Variants in RCC1L observed in about 807,000 individuals in gnomAD.
The protein encoded by RCC1L is RCC1 like.
In RCC1L, 46 loss-of-function variants were observed where a neutral mutation model predicts 58.6. The observed-to-expected ratio is 0.79, with a 90% CI of 0.62 to 1.00. RCC1L has a LOEUF of 1.00. RCC1L is among the 50% of genes least tolerant of loss of function. The pLI is 0.00. For missense variants in RCC1L, 636 were observed against 623.6 expected (o/e 1.02, Z -0.21); for synonymous variants, 281 against 262.9 (o/e 1.07, Z -0.67).
rs935629305 is a variant in RCC1L at position 75,052,605 on chromosome 7, G to T, written c.1317+106C>A. The T allele has an allele frequency of 6.6e-6, 7 of 1,054,558 alleles. No individual in the cohort carries two copies. The African/African-American group carries it at 9.4e-5, about 14-fold the overall frequency. 65.3% of individuals were successfully genotyped at this position (1,054,558 alleles called of 1,614,324 possible). A position where few individuals can be genotyped will look rare whatever the true frequency, so the allele number is the denominator to read the frequency against. ...AGCCAGGACCCGGAAGGGGGAGCAG[G>T]TCCCATGGCCCTCGTCCTGGCCCAT... On this transcript the variant is annotated intron_variant, in intron 10 of 10. Coordinates refer to ENST00000610322, the MANE Select transcript of RCC1L (RefSeq NM_030798.5).
chr7:75,042,408 A>C lies in RCC1L; in HGVS notation c.*624T>G, dbSNP rs1253474224. 1 of 985,982 alleles carries C rather than the reference A, an allele frequency of 1.0e-6. No individual in the cohort carries two copies. The highest frequency in any genetic ancestry group is 1.2e-6 in the Non-Finnish European group (1 of 830,444). The allele number at this position is 985,982 out of a possible 1,614,324, so 61.1% of individuals were successfully genotyped here. A position where few individuals can be genotyped will look rare whatever the true frequency, so the allele number is the denominator to read the frequency against. On this transcript the variant is annotated 3_prime_UTR_variant, in exon 11 of 11. Transcript: ENST00000610322. ...TCCTGAGGGGCTTCTTAACTTTTCC[A>C]AGCCAGGCAGTGAGCGTGGTGGGAG... is the stretch of plus-strand genomic sequence containing the variant.
At chr7:75,048,182 G>A (rs1475440972) in intron 10 of RCC1L, among the ~76,000 whole-genome samples, 6 of 149,206 alleles carry the variant, frequency 4.0e-5, no homozygotes, top group African/African-American at 1.5e-4. Context: ...CAAGAGAATC[G>A]CTTGAACCCG....
chr7:75,049,539 C>T (rs1216983485), intron 10 of RCC1L, among the ~76,000 whole-genome samples: 1 of 152,066 alleles, frequency 6.6e-6, no homozygotes, highest in East Asian at 1.9e-4. Flanking sequence ...ACATGCCTGT[C>T]ATCCCATCCC....
At chr7:75,063,455 A>T in intron 4 of RCC1L, 112 bp from the exon 5 acceptor site, 1 of 1,122,128 alleles carries the variant, frequency 8.9e-7, no homozygotes, top group Non-Finnish European at 1.4e-6. Context: ...TCACACAGTA[A>T]CTGTTGGGGT....
intron 2 of RCC1L, among the ~76,000 whole-genome samples, chr7:75,070,094 T>C (rs1453150930): frequency 6.6e-6 from 1 of 152,198 alleles, no homozygotes; most frequent in Non-Finnish European, 1.5e-5. Context: ...TCATCTCTTT[T>C]AGGCCACAAA....
chr7:75,073,365 G>A, intron 1 of RCC1L, 49 bp downstream of exon 1: 2 of 870,626 alleles, frequency 2.3e-6, no homozygotes, highest in Non-Finnish European at 3.2e-6. Context: ...AGGGAGGCCG[G>A]GAGCGCGGAA....
chr7:75,036,584 TTCTTCA>T (rs1228243407), intron 10 of RCC1L, among the ~76,000 whole-genome samples: 12 of 152,076 alleles, frequency 7.9e-5, no homozygotes, highest in African/African-American at 2.4e-5. Flanking sequence ...ATCAATCATC[TTCTTCA>T]TCTTCAATAT....
intron 10 of RCC1L, among the ~76,000 whole-genome samples, chr7:75,051,271 C>T (rs1466859859): frequency 6.8e-6 from 1 of 146,412 alleles, no homozygotes; most frequent in Non-Finnish European, 1.5e-5. Flanking sequence ...TATATATACA[C>T]ACATATATAC....
Position 75,058,343 on chromosome 7 carries a change from C to T in RCC1L, c.969+245G>A, listed in dbSNP as rs587747331. On this transcript the variant is annotated intron_variant, in intron 7 of 10. Transcript: ENST00000610322. ...TCTGCAAGCGATTCAATTCTCATGC[C>T]TCAGCCTCCCCAGTACCTGGGATTA... is the stretch of plus-strand genomic sequence containing the variant. 6.2e-4 allele frequency among the ~76,000 whole-genome samples: 94 copies of T among 151,752 alleles called. 1 individual carries two copies. The highest frequency in any genetic ancestry group is 2.1e-3 in the African/African-American group (85 of 41,370).
downstream of RCC1L, among the ~76,000 whole-genome samples, chr7:75,039,458 A>AT: frequency 6.6e-6 from 1 of 152,196 alleles, no homozygotes; most frequent in South Asian, 2.1e-4. Context: ...ACAGCATCCT[A>AT]TTGAGGTTGA....
chr7:75,040,558 C>A (rs1239208921), downstream of RCC1L, among the ~76,000 whole-genome samples: 2 of 152,088 alleles, frequency 1.3e-5, no homozygotes, highest in African/African-American at 2.4e-5. Flanking sequence ...GACCCTCCAT[C>A]CCCCATCCTC....
At chr7:75,033,684 G>A (rs2131968431) in intron 10 of RCC1L, among the ~76,000 whole-genome samples, 1 of 147,850 alleles carries the variant, frequency 6.8e-6, no homozygotes, top group East Asian at 2.0e-4. Flanking sequence ...AACAGGGCGA[G>A]TCTCTATCAA....
rs937615938 is a variant in RCC1L, at chr7:75,043,004, C to T, written c.*28G>A. On this transcript the variant is annotated 3_prime_UTR_variant, in exon 11 of 11. Coordinates refer to ENST00000610322, the MANE Select transcript of RCC1L (RefSeq NM_030798.5). ...CAAGGAGTGCCAGTGGTTCCCGGGA[C>T]GGGGCCGCCCAAGCAGGTGAGGGAG... 38 of 1,613,866 alleles carry T rather than the reference C, an allele frequency of 2.4e-5. No individual in the cohort carries two copies. The highest frequency in any genetic ancestry group is 1.6e-4 in the African/African-American group (12 of 74,952).
rs1805799173 is a variant in RCC1L, at chr7:75,048,196, GGCGGAGGTTGCAGTGA to G, written c.1317+4499_1317+4514del. Among the ~76,000 whole-genome samples, 11 of 151,030 alleles carry G rather than the reference GGCGGAGGTTGCAGTGA, an allele frequency of 7.3e-5. 1 individual carries two copies. In the South Asian group the frequency reaches 2.3e-3, roughly 32 times the overall value. On this transcript the variant is annotated intron_variant, in intron 10 of 10. Coordinates refer to ENST00000610322, the MANE Select transcript of RCC1L (RefSeq NM_030798.5). ...GCAAGAGAATCGCTTGAACCCGGGA[GGCGGAGGTTGCAGTGA>G]GCCCAGATTGTGCCACTGTACTCCA...
rs587605990 is a variant in RCC1L, at chr7:75,071,206, A to G, written c.325-437T>C. Among the ~76,000 whole-genome samples, 238 of 152,232 alleles carry G rather than the reference A, an allele frequency of 1.6e-3. 1 individual carries two copies. Among genetic ancestry groups the G allele is most frequent in the Non-Finnish European group, 2.2e-3 (149 of 68,018 alleles). On this transcript the variant is annotated intron_variant, in intron 1 of 10. Transcript: ENST00000610322. The stretch of plus-strand genomic sequence containing the variant: ...AACTAGCATTTATTGAGCATTTACT[A>G]TATGTTTGATAAGTATTATCTCATT...
At chr7:75,068,437 G>A (rs1044919281) in intron 2 of RCC1L, among the ~76,000 whole-genome samples, 4 of 150,786 alleles carry the variant, frequency 2.7e-5, no homozygotes, top group Non-Finnish European at 4.4e-5. Flanking sequence ...TGTAATCCCA[G>A]CACTCTGGGA....
intron 10 of RCC1L, among the ~76,000 whole-genome samples, chr7:75,049,718 A>G (rs1805848263): frequency 6.6e-6 from 1 of 151,998 alleles, no homozygotes; most frequent in Non-Finnish European, 1.5e-5. Flanking sequence ...ATCTCTACAA[A>G]AAATACAAAA....
chr7:75,063,434 G>T, intron 4 of RCC1L, 91 bp from the exon 5 acceptor site: 1 of 1,303,870 alleles, frequency 7.7e-7, no homozygotes, highest in Non-Finnish European at 1.1e-6. Flanking sequence ...CTGATGGCCC[G>T]TCCCCTCCGC....
chr7:75,059,983 C>T (rs1295130680), intron 6 of RCC1L, among the ~76,000 whole-genome samples: 10 of 151,384 alleles, frequency 6.6e-5, no homozygotes, highest in Admixed American at 1.3e-4. Flanking sequence ...AGGATGGTCT[C>T]GATCTCTTGA....
Sources: allele counts gnomAD v4.1 joint callset (sites outside exome capture counted in the v4.1 genomes callset), GRCh38; gene constraint gnomAD v4.1.1; transcripts MANE v1.5; gene names NCBI Gene and HGNC (gene_info 2026-07-23, HGNC 2026-07-21).